Variants in CNTN6 observed in about 807,000 individuals in gnomAD.
CNTN6 encodes contactin 6.
CNTN6 carries 137 observed loss-of-function variants against 122.8 expected under a neutral mutation model. The observed-to-expected ratio is 1.12, with a 90% CI of 0.97 to 1.29. CNTN6 has a LOEUF of 1.29. CNTN6 is among the 50% of genes most tolerant of loss of function. CNTN6 has a pLI of 0.00. For missense variants in CNTN6, 1,634 were observed against 1,223.4 expected (o/e 1.34, Z -5.01); for synonymous variants, 570 against 426.0 (o/e 1.34, Z -4.16).
chr3:1,253,968 T>C (rs1406679000), intron 4 of CNTN6, among the ~76,000 whole-genome samples: 2 of 152,214 alleles, frequency 1.3e-5, no homozygotes. Flanking sequence ...CTTACATGTC[T>C]CTGCGCACAC....
chr3:1,392,520 C>T (rs1293182767), intron 20 of CNTN6, among the ~76,000 whole-genome samples: 2 of 150,834 alleles, frequency 1.3e-5, no homozygotes, highest in African/African-American at 2.4e-5. Context: ...TCTAAAACAC[C>T]AAAAGCAATG....
intron 12 of CNTN6, among the ~76,000 whole-genome samples, chr3:1,370,452 C>A (rs190431588): frequency 1.8e-3 from 275 of 152,092 alleles, no homozygotes; most frequent in Non-Finnish European, 3.3e-3. Flanking sequence ...ATATCTTTTA[C>A]CCTTATTTTG....
intron 10 of CNTN6, among the ~76,000 whole-genome samples, chr3:1,329,074 C>T (rs984110020): frequency 2.7e-5 from 4 of 150,820 alleles, no homozygotes; most frequent in African/African-American, 9.7e-5. Flanking sequence ...ATATATAAAT[C>T]ACATATATAT....
intron 2 of CNTN6, among the ~76,000 whole-genome samples, chr3:1,175,706 T>C (rs2093436559): frequency 6.6e-6 from 1 of 152,158 alleles, no homozygotes; most frequent in African/African-American, 2.4e-5. Flanking sequence ...TGGCTACTCT[T>C]TGGTGAATAT....
chr3:1,199,150 C>T (rs55872265), intron 2 of CNTN6, among the ~76,000 whole-genome samples: 31,556 of 150,478 alleles, frequency 0.21, 3,586 homozygotes, highest in East Asian at 0.31. Context: ...CTTCTAGACT[C>T]CTGAACCATG....
At chr3:1,240,256 C>T (rs574090867) in intron 4 of CNTN6, among the ~76,000 whole-genome samples, 4 of 152,196 alleles carry the variant, frequency 2.6e-5, no homozygotes, top group African/African-American at 7.2e-5. Context: ...GGGAAAAGAT[C>T]TTCACAATCT....
intron 4 of CNTN6, among the ~76,000 whole-genome samples, chr3:1,231,792 C>T (rs1468778625): frequency 6.6e-6 from 1 of 152,174 alleles, no homozygotes; most frequent in East Asian, 1.9e-4. Flanking sequence ...TTTTAAGTAT[C>T]TCTTTCTTCC....
chr3:1,383,169 G>A lies in CNTN6; in HGVS notation c.2394G>A (p.Gly798=). ...GTACTGTGACCATTGTCTACTCTGGGGAAGATGGTAAGTTGTCCTCAACTC... is the reference window on the plus strand; with the variant it reads ...GTACTGTGACCATTGTCTACTCTGGAGAAGATGGTAAGTTGTCCTCAACTC... ...SLSTVTIVYS[G]EDEPQLAPRG... is the part of the protein sequence containing the mutation. The change falls in exon 18 of 23, where the codon GGG becomes GGA. Residue 798 remains glycine, a synonymous_variant. Coordinates refer to ENST00000446702, the MANE Select transcript of CNTN6 (RefSeq NM_001289080.2). 6.2e-7 allele frequency: 1 copy of A among 1,611,956 alleles called. No homozygotes were observed. Among genetic ancestry groups the A allele is most frequent in the Non-Finnish European group, 8.5e-7 (1 of 1,178,088 alleles).
chr3:1,251,535 T>C (rs755825623), intron 4 of CNTN6, among the ~76,000 whole-genome samples: 13 of 152,206 alleles, frequency 8.5e-5, no homozygotes, highest in Admixed American at 2.0e-4. Context: ...ATTTCATTCA[T>C]CTGGTGAAAT....
intron 4 of CNTN6, among the ~76,000 whole-genome samples, chr3:1,255,163 C>A (rs1244339518): frequency 2.0e-5 from 3 of 152,068 alleles, no homozygotes; most frequent in African/African-American, 7.2e-5. Context: ...TGCTCAGAAC[C>A]AATATATTGT....
At chr3:1,318,548 G>C (rs1385805485) in intron 7 of CNTN6, among the ~76,000 whole-genome samples, 1 of 151,726 alleles carries the variant, frequency 6.6e-6, no homozygotes, top group Admixed American at 6.6e-5. Flanking sequence ...TATTAGATGA[G>C]TTTTTAGAAA....
chr3:1,326,676 T>C (rs1465835614), intron 9 of CNTN6, among the ~76,000 whole-genome samples: 1 of 151,932 alleles, frequency 6.6e-6, no homozygotes, highest in Non-Finnish European at 1.5e-5. Flanking sequence ...TCCATTTTAC[T>C]TTGCACATGT....
chr3:1,127,954 G>A (rs1178805408), intron 1 of CNTN6, among the ~76,000 whole-genome samples: 1 of 151,894 alleles, frequency 6.6e-6, no homozygotes, highest in East Asian at 1.9e-4. Flanking sequence ...TAAATTGAGT[G>A]AGCACAGTCT....
At chr3:1,225,961 C>T (rs1575315968) in intron 3 of CNTN6, among the ~76,000 whole-genome samples, 1 of 152,150 alleles carries the variant, frequency 6.6e-6, no homozygotes, top group East Asian at 1.9e-4. Context: ...ATTCATATTT[C>T]TTTTCTACTT....
At chr3:1,283,237 G>A (rs1693781020) in intron 5 of CNTN6, among the ~76,000 whole-genome samples, 3 of 152,250 alleles carry the variant, frequency 2.0e-5, no homozygotes, top group South Asian at 4.2e-4. Context: ...TCACCGGTGT[G>A]AGCCACTGCT....
intron 12 of CNTN6, among the ~76,000 whole-genome samples, chr3:1,362,273 A>G (rs1042357334): frequency 6.6e-6 from 1 of 152,142 alleles, no homozygotes; most frequent in Non-Finnish European, 1.5e-5. Flanking sequence ...CTAGCATTCA[A>G]TAAAACGTTA....
intron 7 of CNTN6, among the ~76,000 whole-genome samples, chr3:1,300,704 A>C (rs1697232157): frequency 6.6e-6 from 1 of 152,114 alleles, no homozygotes; most frequent in Admixed American, 6.6e-5. Flanking sequence ...TATATTATTC[A>C]AACCTATAGA....
intron 1 of CNTN6, among the ~76,000 whole-genome samples, chr3:1,146,785 GAATA>G (rs1406139454): frequency 6.6e-6 from 1 of 152,002 alleles, no homozygotes; most frequent in Non-Finnish European, 1.5e-5. Flanking sequence ...ATTAATGAAT[GAATA>G]GATATAACAT....
intron 2 of CNTN6, among the ~76,000 whole-genome samples, chr3:1,212,703 G>T (rs1423326688): frequency 1.4e-5 from 2 of 144,668 alleles, no homozygotes; most frequent in African/African-American, 2.5e-5. Context: ...TCTTGTTTTT[G>T]ATATCATATT....
Sources: gnomAD v4.1 joint callset for allele counts (sites outside exome capture counted in the v4.1 genomes callset) on GRCh38, gnomAD v4.1.1 for gene constraint, MANE v1.5 for transcripts, NCBI Gene and HGNC (gene_info 2026-07-23, HGNC 2026-07-21) for gene names.